EPM2A: variants seen among roughly 807,000 people sequenced by gnomAD.
EPM2A encodes the protein EPM2A glucan phosphatase, laforin, also known as laforin.
EPM2A carries 21 observed loss-of-function variants against 26.5 expected under a neutral mutation model. The ratio of observed to expected loss-of-function variants is 0.79; its 90% CI spans 0.56 to 1.14. The LOEUF (loss-of-function observed/expected upper bound fraction) is 1.14, where lower values mean the gene tolerates loss of function less well. Ranked by LOEUF, EPM2A falls within the 50% of genes most tolerant of loss-of-function variation. EPM2A has a pLI of 0.00. For missense variants in EPM2A, 458 were observed against 440.8 expected, an observed-to-expected ratio of 1.04 and a Z score of -0.35; for synonymous variants, 217 against 177.6, an observed-to-expected ratio of 1.22 and a Z score of -1.76.
chr6:145,489,218 T>C (rs529091328), intron 4 of EPM2A, among the ~76,000 whole-genome samples: 2 of 152,302 alleles, frequency 1.3e-5, no homozygotes, highest in South Asian at 4.1e-4. Flanking sequence ...GTTTCCTATA[T>C]AGTCAATTTT....
At chr6:145,690,785 G>T (rs1781233398) in intron 1 of EPM2A, among the ~76,000 whole-genome samples, 1 of 151,994 alleles carries the variant, frequency 6.6e-6, no homozygotes, top group African/African-American at 2.4e-5. Flanking sequence ...CTCAGCAATG[G>T]AATGGAAGAT....
chr6:145,407,748 C>T (rs1778588868), intron 4 of EPM2A, among the ~76,000 whole-genome samples: 1 of 152,168 alleles, frequency 6.6e-6, no homozygotes, highest in African/African-American at 2.4e-5. Flanking sequence ...ACCTTTTATT[C>T]ATATCAGACA....
intron 2 of EPM2A, among the ~76,000 whole-genome samples, chr6:145,532,107 T>C (rs1387217999): frequency 6.6e-6 from 1 of 152,216 alleles, no homozygotes; most frequent in Non-Finnish European, 1.5e-5. Flanking sequence ...TGTCTTATGT[T>C]ATTTGCTAAT....
chr6:145,657,228 T>A (rs1457158926), intron 2 of EPM2A, among the ~76,000 whole-genome samples: 1 of 151,784 alleles, frequency 6.6e-6, no homozygotes, highest in African/African-American at 2.4e-5. Flanking sequence ...TAGCTGGGAC[T>A]ACAGGCGAGC....
intron 1 of EPM2A, among the ~76,000 whole-genome samples, chr6:145,688,895 C>T (rs1367976327): frequency 2.0e-5 from 3 of 152,152 alleles, no homozygotes; most frequent in Non-Finnish European, 4.4e-5. Context: ...TGGAGGGGAA[C>T]TGTCATAGTC....
At chr6:145,568,537 G>C (rs1169366977) in intron 2 of EPM2A, among the ~76,000 whole-genome samples, 3 of 152,108 alleles carry the variant, frequency 2.0e-5, no homozygotes, top group East Asian at 1.9e-4. Context: ...TGACCAGGCT[G>C]GTCTCGAACT....
chr6:145,626,965 T>C lies in EPM2A; in HGVS notation c.*451A>G. 9.6e-7 allele frequency: 1 copy of C among 1,043,106 alleles called. No homozygotes were observed. Among genetic ancestry groups the C allele is most frequent in the Non-Finnish European group, 1.2e-6 (1 of 864,312 alleles). 64.6% of individuals were successfully genotyped at this position (1,043,106 alleles called of 1,614,324 possible). ...TAACGGTTCAGGCTTCTAACCTTATTTCCTCCTTTGGCAACTGACCAGCTC... is the reference window on the plus strand; with the variant it reads ...TAACGGTTCAGGCTTCTAACCTTATCTCCTCCTTTGGCAACTGACCAGCTC... On this transcript the variant is annotated 3_prime_UTR_variant, in exon 4 of 4. Transcript: ENST00000367519.
intron 4 of EPM2A, among the ~76,000 whole-genome samples, chr6:145,406,383 T>C (rs1389823530): frequency 6.6e-6 from 1 of 152,198 alleles, no homozygotes; most frequent in Non-Finnish European, 1.5e-5. Context: ...ATAGTTCAGA[T>C]GGCAGTGCTT....
intron 1 of EPM2A, among the ~76,000 whole-genome samples, chr6:145,718,865 T>C (rs1775790815): frequency 1.3e-5 from 2 of 152,000 alleles, no homozygotes; most frequent in African/African-American, 2.4e-5. Flanking sequence ...AAAAAACACA[T>C]GAAAAAATGC....
intron 2 of EPM2A, among the ~76,000 whole-genome samples, chr6:145,529,816 C>A (rs561989014): frequency 6.6e-6 from 1 of 152,112 alleles, no homozygotes; most frequent in Non-Finnish European, 1.5e-5. Context: ...CTTCCTTTCC[C>A]GGTAACCAGA....
intron 4 of EPM2A, among the ~76,000 whole-genome samples, chr6:145,492,342 C>G (rs972532370): frequency 1.3e-5 from 2 of 152,132 alleles, no homozygotes; most frequent in African/African-American, 2.4e-5. Context: ...TTCTGTGCGG[C>G]CCCCACAGTA....
chr6:145,689,447 A>G (rs1367924493), intron 1 of EPM2A, among the ~76,000 whole-genome samples: 1 of 152,244 alleles, frequency 6.6e-6, no homozygotes, highest in Non-Finnish European at 1.5e-5. Flanking sequence ...GACAAAGAGA[A>G]GAAGACAGAC....
chr6:145,635,338 G>T lies in EPM2A; in HGVS notation c.625C>A (p.Pro209Thr). The change falls in exon 3 of 4, where the codon CCA becomes ACA. Residue 209 changes from proline (P) to threonine (T), a missense_variant. Pro to Thr is a conservative substitution (Grantham distance 38). Transcript: ENST00000367519. ...ATAGTGTCTGGAGTCATGGGCTCTG[G>T]GTAGCGGTTACAGCCTGAGGAATTC... is the stretch of plus-strand genomic sequence containing the variant. ...VQNSSGCNRY[P>T]EPMTPDTMIK... is the part of the protein sequence containing the mutation. The T allele has an allele frequency of 5.6e-6, 9 of 1,614,084 alleles. No homozygotes were observed. Among genetic ancestry groups the T allele is most frequent in the Non-Finnish European group, 7.6e-6 (9 of 1,179,990 alleles).
At chr6:145,490,549 C>G in intron 4 of EPM2A, 2 of 709,978 alleles carry the variant, frequency 2.8e-6, no homozygotes, top group Non-Finnish European at 2.7e-6. Flanking sequence ...CTTCCCAGTT[C>G]TTTGCTTCTT....
intron 4 of EPM2A, among the ~76,000 whole-genome samples, chr6:145,484,572 A>G (rs1203029674): frequency 6.6e-6 from 1 of 152,148 alleles, no homozygotes; most frequent in African/African-American, 2.4e-5. Flanking sequence ...CAGCTCTGCC[A>G]TCTACATTCT....
downstream of EPM2A, among the ~76,000 whole-genome samples, chr6:145,498,894 T>C (rs1193219633): frequency 6.6e-6 from 1 of 152,224 alleles, no homozygotes; most frequent in Non-Finnish European, 1.5e-5. Flanking sequence ...TCGGCTATTT[T>C]GAAGAGTGTG....
intron 4 of EPM2A, among the ~76,000 whole-genome samples, chr6:145,408,373 C>A (rs1487095887): frequency 6.6e-6 from 1 of 152,108 alleles, no homozygotes; most frequent in East Asian, 1.9e-4. Flanking sequence ...GAAAGATGTA[C>A]AAGAAGGATG....
intron 2 of EPM2A, among the ~76,000 whole-genome samples, chr6:145,525,378 T>C (rs1181735564): frequency 6.6e-6 from 1 of 152,080 alleles, no homozygotes; most frequent in Non-Finnish European, 1.5e-5. Flanking sequence ...GCATTGACTG[T>C]GTAGATTGCT....
At chr6:145,532,405 GA>G (rs1444723167) in intron 2 of EPM2A, among the ~76,000 whole-genome samples, 1 of 152,104 alleles carries the variant, frequency 6.6e-6, no homozygotes, top group Non-Finnish European at 1.5e-5. Flanking sequence ...AGATACATAG[GA>G]ATGTAAAGGA....
Sources: gnomAD v4.1 joint callset for allele counts (sites outside exome capture counted in the v4.1 genomes callset) on GRCh38, gnomAD v4.1.1 for gene constraint, MANE v1.5 for transcripts, NCBI Gene and HGNC (gene_info 2026-07-23, HGNC 2026-07-21) for gene names.